CNTN5: variants seen among roughly 807,000 people sequenced by gnomAD.
CNTN5 encodes contactin 5.
CNTN5 carries 77 observed loss-of-function variants against 129.1 expected under a neutral mutation model. The ratio of observed to expected loss-of-function variants is 0.60; its 90% confidence interval spans 0.50 to 0.72. The LOEUF is 0.72. Ranked by LOEUF, CNTN5 falls within the 30% of genes least tolerant of loss-of-function variation. The pLI, the probability that CNTN5 is intolerant of heterozygous loss-of-function variation, is 0.00. For synonymous variants in CNTN5, 509 were observed against 465.6 expected, an observed-to-expected ratio of 1.09 and a Z score of -1.20; for missense variants, 1,478 against 1,328.8, an observed-to-expected ratio of 1.11 and a Z score of -1.75.
At chr11:99,624,147 T>G (rs1030891558) in intron 3 of CNTN5, among the ~76,000 whole-genome samples, 1 of 152,112 alleles carries the variant, frequency 6.6e-6, no homozygotes, top group Non-Finnish European at 1.5e-5. Context: ...GAATGTATTT[T>G]GTACTGTGTC....
chr11:99,098,697 A>C (rs950253849), intron 1 of CNTN5, among the ~76,000 whole-genome samples: 3 of 152,040 alleles, frequency 2.0e-5, no homozygotes, highest in Admixed American at 6.6e-5. Flanking sequence ...CTTTCCTTTA[A>C]TCTCTTATGT....
At chr11:100,341,600 CAGA>C (rs1427651533) in intron 23 of CNTN5, among the ~76,000 whole-genome samples, 11 of 151,792 alleles carry the variant, frequency 7.2e-5, no homozygotes. Context: ...AGCAAGGAAA[CAGA>C]AGAACAAAAA....
intron 13 of CNTN5, among the ~76,000 whole-genome samples, chr11:100,165,954 C>A (rs1306175346): frequency 6.6e-6 from 1 of 151,666 alleles, no homozygotes; most frequent in Non-Finnish European, 1.5e-5. Context: ...TTATCTAACT[C>A]CTGAGCTTTC....
chr11:99,424,823 A>T (rs568948486), intron 2 of CNTN5, among the ~76,000 whole-genome samples: 71 of 152,348 alleles, frequency 4.7e-4, no homozygotes, highest in African/African-American at 1.7e-3. Context: ...GGGCCATTCA[A>T]TGGGTCCTGA....
chr11:99,213,258 CAT>C (rs1214196577), intron 1 of CNTN5, among the ~76,000 whole-genome samples: 3 of 143,098 alleles, frequency 2.1e-5, no homozygotes, highest in Non-Finnish European at 3.0e-5. Context: ...TACATATATA[CAT>C]ATATATAAAA....
intron 9 of CNTN5, among the ~76,000 whole-genome samples, chr11:100,058,767 A>T (rs1001628649): frequency 3.9e-5 from 6 of 152,158 alleles, no homozygotes; most frequent in Admixed American, 1.3e-4. Context: ...ATAATAGGAA[A>T]ACATCTTACA....
In CNTN5 at chr11:99,122,457, T is replaced by C. The variant is rs555986446; in HGVS notation, c.-210+101187T>C. Among the ~76,000 whole-genome samples the C allele has an allele frequency of 5.0e-4, 67 of 134,184 alleles. 1 individual carries two copies. The highest frequency in any genetic ancestry group is 1.9e-3 in the African/African-American group (65 of 34,722). 88.0% of individuals were successfully genotyped at this position (134,184 alleles called of 152,430 possible). On this transcript the variant is annotated intron_variant, in intron 1 of 24. Coordinates refer to ENST00000524871, the MANE Select transcript of CNTN5 (RefSeq NM_014361.4). ...TAGGTCAATAACAATCTAAATACTA[T>C]ATTTATTTATTAATTATGTACCAGT...
chr11:99,988,420 G>A lies in CNTN5; in HGVS notation c.878-13614G>A, dbSNP rs561862331. On this transcript the variant is annotated intron_variant, in intron 8 of 24. Coordinates refer to ENST00000524871, the MANE Select transcript of CNTN5 (RefSeq NM_014361.4). ...TTTCTTGGTAATTACTGTGTAGATTGGTAGCCAGCTATGAGTAAGAAACTC... is the reference window on the plus strand; with the variant it reads ...TTTCTTGGTAATTACTGTGTAGATTAGTAGCCAGCTATGAGTAAGAAACTC... Among the ~76,000 whole-genome samples the A allele has an allele frequency of 2.0e-5, 3 of 150,888 alleles. No homozygotes were observed. The East Asian group carries it at 5.9e-4, about 30-fold the overall frequency.
rs1346523846 is a variant in CNTN5, at chr11:100,271,205, A to G, written c.2278A>G (p.Ser760Gly). Residue 760 changes from serine (S) to glycine (G), a missense_variant, in exon 18 of 25, where the codon AGC (serine) becomes GGC (glycine). Transcript: ENST00000524871. ...CAACCCTATTGGGACAGGAGATCCA[A>G]GCACCCCATCTCGAATGATCCGCAC... is the stretch of plus-strand genomic sequence containing the variant. Reference protein sequence around the residue: ...ATNPIGTGDPSTPSRMIRTNE... With the variant: ...ATNPIGTGDPGTPSRMIRTNE... 1.2e-6 allele frequency: 2 copies of G among 1,611,984 alleles called. No individual in the cohort carries two copies. Among genetic ancestry groups the G allele is most frequent in the Non-Finnish European group, 1.7e-6 (2 of 1,179,352 alleles).
rs189017296 is a variant in CNTN5 at position 99,219,270 on chromosome 11, T to C, written c.-209-106076T>C. Among the ~76,000 whole-genome samples, 286 of 152,010 alleles carry C rather than the reference T, an allele frequency of 1.9e-3. 1 individual carries two copies. The highest frequency in any genetic ancestry group is 6.6e-3 in the African/African-American group (275 of 41,494). On this transcript the variant is annotated intron_variant, in intron 1 of 24. Transcript: ENST00000524871. ...TAATGAAAGATTTACATACTAAATATTAAATAGTATACTATATAAAGGTAA... is the reference window on the plus strand; with the variant it reads ...TAATGAAAGATTTACATACTAAATACTAAATAGTATACTATATAAAGGTAA...
rs1262907732 is a variant in CNTN5 at position 100,006,234 on chromosome 11, A to C, written c.980+4098A>C. On this transcript the variant is annotated intron_variant, in intron 9 of 24. Coordinates refer to ENST00000524871, the MANE Select transcript of CNTN5 (RefSeq NM_014361.4). ...TCAGCAAATTATCATCTTTTTGCTG[A>C]TGACTGATGCTATTGACTGATAAGG... 7.9e-5 allele frequency among the ~76,000 whole-genome samples: 12 copies of C among 152,254 alleles called. No homozygotes were observed. The East Asian group carries it at 2.3e-3, about 29-fold the overall frequency.
intron 8 of CNTN5, among the ~76,000 whole-genome samples, chr11:99,993,627 C>T (rs1939263671): frequency 1.3e-5 from 2 of 152,104 alleles, no homozygotes; most frequent in Non-Finnish European, 2.9e-5. Flanking sequence ...TGCCACTGAT[C>T]TGACAAGAGG....
chr11:99,308,345 T>G (rs756314506), intron 1 of CNTN5, among the ~76,000 whole-genome samples: 2 of 152,206 alleles, frequency 1.3e-5, no homozygotes, highest in Non-Finnish European at 2.9e-5. Context: ...AATATAGGTA[T>G]AGTACAAGTG....
intron 2 of CNTN5, among the ~76,000 whole-genome samples, chr11:99,412,366 A>G (rs556626266): frequency 6.6e-6 from 1 of 152,314 alleles, no homozygotes; most frequent in Admixed American, 6.5e-5. Flanking sequence ...GGGAATATAT[A>G]TAAAGATCCC....
chr11:100,057,800 T>C (rs1228304934), intron 9 of CNTN5, among the ~76,000 whole-genome samples: 1 of 151,984 alleles, frequency 6.6e-6, no homozygotes, highest in Admixed American at 6.6e-5. Flanking sequence ...AGAAAACATA[T>C]ATTCATACCA....
chr11:99,582,713 G>GT (rs1949651860), intron 3 of CNTN5, among the ~76,000 whole-genome samples: 1 of 129,662 alleles, frequency 7.7e-6, no homozygotes, highest in Admixed American at 8.6e-5. Flanking sequence ...GGTTATTCTA[G>GT]TTAGCCATTT....
chr11:99,466,671 A>G (rs768783511), intron 2 of CNTN5, among the ~76,000 whole-genome samples: 1 of 152,130 alleles, frequency 6.6e-6, no homozygotes, highest in Non-Finnish European at 1.5e-5. Context: ...GTCTAACTCA[A>G]GAGGGGATTA....
chr11:99,047,604 C>T (rs528229374), intron 1 of CNTN5, among the ~76,000 whole-genome samples: 293 of 152,088 alleles, frequency 1.9e-3, no homozygotes, highest in African/African-American at 6.1e-3. Flanking sequence ...AAAAGTTCAT[C>T]GATAAATTCA....
rs187643508 is a variant in CNTN5, at chr11:99,466,164, G to T, written c.-70-89981G>T. On this transcript the variant is annotated intron_variant, in intron 2 of 24. Transcript: ENST00000524871. ...CCCAAAGTGCTGGGATTACAGGCTT[G>T]AGCCACTGTGCCCGGCTGATGTCAC... 5.8e-3 allele frequency among the ~76,000 whole-genome samples: 885 copies of T among 152,234 alleles called. 9 individuals carry two copies. The highest frequency in any genetic ancestry group is 0.02 in the African/African-American group (834 of 41,538).
Sources: allele counts gnomAD v4.1 joint callset (sites outside exome capture counted in the v4.1 genomes callset), GRCh38; gene constraint gnomAD v4.1.1; transcripts MANE v1.5; gene names NCBI Gene and HGNC (gene_info 2026-07-23, HGNC 2026-07-21).